The following CACNA1C variants were observed in gnomAD, a reference collection of about 807,000 sequenced individuals.
The protein encoded by CACNA1C is calcium voltage-gated channel subunit alpha1 C.
A neutral mutation model predicts 229.0 loss-of-function variants in CACNA1C; 30 were observed. The ratio of observed to expected loss-of-function variants is 0.13; its 90% CI spans 0.10 to 0.18. The LOEUF (loss-of-function observed/expected upper bound fraction) is 0.18, where lower values mean the gene tolerates loss of function less well. Ranked by LOEUF, CACNA1C falls within the 10% of genes least tolerant of loss-of-function variation. The pLI is 1.00. For synonymous variants in CACNA1C, 1,114 were observed against 1,132.5 expected (o/e 0.98, Z 0.33); for missense variants, 1,658 against 2,845.0 (o/e 0.58, Z 9.49).
chr12:2,299,980 C>T (rs1347409593), intron 3 of CACNA1C, among the ~76,000 whole-genome samples: 1 of 152,222 alleles, frequency 6.6e-6, no homozygotes, highest in Non-Finnish European at 1.5e-5. Context: ...CCATCATCAT[C>T]ATCAGCACTA....
intron 3 of CACNA1C, among the ~76,000 whole-genome samples, chr12:2,188,622 A>G (rs2097116708): frequency 6.6e-6 from 1 of 152,152 alleles, no homozygotes; most frequent in South Asian, 2.1e-4. Context: ...AGAGAAAGAC[A>G]CTGTTTCAGC....
In CACNA1C at chr12:2,319,342, A is replaced by G. The variant is rs576965509; in HGVS notation, c.478-129634A>G. The stretch of plus-strand genomic sequence containing the variant: ...GGGTGCCGTGCATGGTGGGCAACAT[A>G]CATGGGGGCAGTGTGCTTGGTAGGC... On this transcript the variant is annotated intron_variant, in intron 3 of 46. Transcript: ENST00000399655. The surrounding 1 kb of genome is among the most constrained non-coding windows in gnomAD (Gnocchi z 4.0). Among the ~76,000 whole-genome samples, 76 of 152,132 alleles carry G rather than the reference A, an allele frequency of 5.0e-4. No homozygotes were observed. Among genetic ancestry groups the G allele is most frequent in the Middle Eastern group, 3.4e-3 (1 of 294 alleles).
intron 29 of CACNA1C, chr12:2,614,987 A>G (rs1261921412): frequency 6.6e-6 from 1 of 151,822 alleles, no homozygotes. Context: ...AAAAAAAAAA[A>G]TCACACAAAG....
At chr12:2,111,723 A>G (rs910566812) in intron 1 of CACNA1C, among the ~76,000 whole-genome samples, 2 of 152,148 alleles carry the variant, frequency 1.3e-5, no homozygotes, top group Admixed American at 6.5e-5. Context: ...CCAAACAGAG[A>G]GTCTAGGAAG....
intron 3 of CACNA1C, among the ~76,000 whole-genome samples, chr12:2,394,109 CAAA>C (rs60498219): frequency 1.1e-4 from 12 of 113,250 alleles, no homozygotes; most frequent in African/African-American, 1.3e-4. Flanking sequence ...TGTCTCTAAA[CAAA>C]AAAAAAAAAA....
rs1339679374 is a variant in CACNA1C at position 2,697,776 on chromosome 12, G to A, written c.*6577G>A. On this transcript the variant is annotated 3_prime_UTR_variant, in exon 47 of 47. Coordinates refer to ENST00000399655, the MANE Select transcript of CACNA1C (RefSeq NM_000719.7). ...ATGGGCCTTCTCACCCTCGAGAAAG[G>A]CCAGGGAATCTAGAAGGGGCAACCC... 2 of 152,556 alleles carry A rather than the reference G, an allele frequency of 1.3e-5. No individual in the cohort carries two copies. Among genetic ancestry groups the A allele is most frequent in the African/African-American group, 4.8e-5 (2 of 41,438 alleles). 9.5% of individuals were successfully genotyped at this position (152,556 alleles called of 1,614,324 possible). A position where few individuals can be genotyped will look rare whatever the true frequency, so the allele number is the denominator to read the frequency against.
intron 9 of CACNA1C, among the ~76,000 whole-genome samples, chr12:2,514,877 A>C (rs1203995028): frequency 6.6e-6 from 1 of 152,214 alleles, no homozygotes; most frequent in Admixed American, 6.5e-5. Flanking sequence ...AGTTCCCAGC[A>C]TGGAGTATTA....
At chr12:2,472,896 A>G (rs1335830745) in intron 5 of CACNA1C, among the ~76,000 whole-genome samples, 4 of 152,150 alleles carry the variant, frequency 2.6e-5, no homozygotes, top group Non-Finnish European at 2.9e-5. Flanking sequence ...GTTGGTGCTG[A>G]GACATTGAAA....
At chr12:2,057,237 G>A (rs1273507455) in intron 1 of CACNA1C, among the ~76,000 whole-genome samples, 3 of 152,208 alleles carry the variant, frequency 2.0e-5, no homozygotes, top group Non-Finnish European at 4.4e-5. Flanking sequence ...TGGAGATTTC[G>A]AGGCCCTGCT....
Position 2,504,814 on chromosome 12 carries a change from C to A in CACNA1C, c.1114-28C>A. ...GGCCGTGCTCGGTTGCTGAGTGTGC[C>A]TCACTAACTATCATTCCGTTCTTCC... On this transcript the variant is annotated intron_variant, in intron 7 of 46. Coordinates refer to ENST00000399655, the MANE Select transcript of CACNA1C (RefSeq NM_000719.7). The surrounding 1 kb of genome is among the most constrained non-coding windows in gnomAD (Gnocchi z 6.8). The A allele has an allele frequency of 7.6e-7, 1 of 1,323,458 alleles. No homozygotes were observed. The highest frequency in any genetic ancestry group is 1.1e-6 in the Non-Finnish European group (1 of 916,362). 82.0% of individuals were successfully genotyped at this position (1,323,458 alleles called of 1,614,324 possible).
intron 3 of CACNA1C, among the ~76,000 whole-genome samples, chr12:2,398,783 G>T (rs1361308949): frequency 6.6e-6 from 1 of 152,326 alleles, no homozygotes; most frequent in East Asian, 1.9e-4. Flanking sequence ...AAAGGAGGCA[G>T]CAGGCTAGAA....
Position 2,694,742 on chromosome 12 carries a change from C to A in CACNA1C, c.*3543C>A, listed in dbSNP as rs1183016680. ...GTGGGGCAACCTCAGGAGAAGCAGACCTTTCCATGCCCAAGTTCATCTCCT... is the reference window on the plus strand; with the variant it reads ...GTGGGGCAACCTCAGGAGAAGCAGAACTTTCCATGCCCAAGTTCATCTCCT... On this transcript the variant is annotated 3_prime_UTR_variant, in exon 47 of 47. Coordinates refer to ENST00000399655, the MANE Select transcript of CACNA1C (RefSeq NM_000719.7). 2 of 152,224 alleles carry A rather than the reference C, an allele frequency of 1.3e-5. No homozygotes were observed. Among genetic ancestry groups the A allele is most frequent in the Non-Finnish European group, 2.9e-5 (2 of 68,044 alleles). 9.4% of individuals were successfully genotyped at this position (152,224 alleles called of 1,614,324 possible). A position where few individuals can be genotyped will look rare whatever the true frequency, so the allele number is the denominator to read the frequency against.
intron 3 of CACNA1C, among the ~76,000 whole-genome samples, chr12:2,245,840 C>G (rs760938822): frequency 1.4e-4 from 22 of 152,268 alleles, no homozygotes; most frequent in Non-Finnish European, 2.8e-4. Context: ...GGGCCCTTCA[C>G]CCTGCTGTGC....
chr12:2,021,766 A>G (rs2046496120), intron 1 of CACNA1C, among the ~76,000 whole-genome samples: 2 of 152,182 alleles, frequency 1.3e-5, no homozygotes, highest in South Asian at 4.1e-4. Context: ...AGGCTTTCTT[A>G]CTGCTTCTCA....
intron 3 of CACNA1C, among the ~76,000 whole-genome samples, chr12:2,216,248 C>T (rs1195270234): frequency 6.6e-6 from 1 of 152,188 alleles, no homozygotes; most frequent in African/African-American, 2.4e-5. Flanking sequence ...GGACTGGGAC[C>T]ACATCTTCTG....
chr12:2,299,909 C>T (rs541030394), intron 3 of CACNA1C, among the ~76,000 whole-genome samples: 10 of 152,238 alleles, frequency 6.6e-5, no homozygotes, highest in African/African-American at 1.7e-4. Context: ...AAGAGTGTTT[C>T]GAGGATTAAA....
intron 1 of CACNA1C, among the ~76,000 whole-genome samples, chr12:2,106,698 C>T (rs2078898398): frequency 8.8e-6 from 1 of 113,598 alleles, no homozygotes; most frequent in African/African-American, 3.3e-5. Flanking sequence ...TGGGCGCCCA[C>T]CCCGGGGAGG....
chr12:2,282,662 G>A (rs749584378), intron 3 of CACNA1C, among the ~76,000 whole-genome samples: 5 of 152,198 alleles, frequency 3.3e-5, no homozygotes, highest in Admixed American at 1.3e-4. Flanking sequence ...CAGAGAAAAG[G>A]AGACCTGCAG....
chr12:2,389,241 G>A (rs528854379), intron 3 of CACNA1C, among the ~76,000 whole-genome samples: 9 of 152,196 alleles, frequency 5.9e-5, no homozygotes, highest in African/African-American at 2.2e-4. Flanking sequence ...CAGAGGCGTG[G>A]CCTTTGGATT....
Sources: gnomAD v4.1 joint callset for allele counts (sites outside exome capture counted in the v4.1 genomes callset) on GRCh38, gnomAD v4.1.1 for gene constraint, Gnocchi (gnomAD v3.1) non-coding constraint, MANE v1.5 for transcripts, NCBI Gene and HGNC (gene_info 2026-07-23, HGNC 2026-07-21) for gene names.